The following TOGARAM1 variants were observed in gnomAD, a reference collection of about 807,000 sequenced individuals.
TOGARAM1 encodes TOG array regulator of axonemal microtubules 1, also known as TOG array regulator of axonemal microtubules protein 1.
A neutral mutation model predicts 166.6 loss-of-function variants in TOGARAM1; 100 were observed. That is an observed-to-expected ratio of 0.60 (90% CI 0.51 to 0.71). TOGARAM1 has a LOEUF of 0.71. TOGARAM1 is among the 30% of genes least tolerant of loss of function. TOGARAM1 has a pLI of 0.00. For missense variants in TOGARAM1, 2,029 were observed against 2,102.7 expected, an observed-to-expected ratio of 0.96 and a Z score of 0.69; for synonymous variants, 758 against 763.8, an observed-to-expected ratio of 0.99 and a Z score of 0.13.
intron 16 of TOGARAM1, among the ~76,000 whole-genome samples, chr14:45,063,833 C>T (rs575647905): frequency 6.6e-6 from 1 of 152,238 alleles, no homozygotes; most frequent in South Asian, 2.1e-4. Context: ...GCCCTATTTT[C>T]AATTCGGCCT....
chr14:45,028,363 T>TC (rs1297560283), intron 10 of TOGARAM1, 34 bp downstream of exon 10: 2 of 1,568,814 alleles, frequency 1.3e-6, no homozygotes, highest in African/African-American at 2.8e-5. Context: ...ATTTTTTTTT[T>TC]CTAGTAATTG....
chr14:45,071,548 C>A (rs1358899805), intron 18 of TOGARAM1, among the ~76,000 whole-genome samples, 164 bp from the exon 19 acceptor site: 1 of 151,988 alleles, frequency 6.6e-6, no homozygotes, highest in Admixed American at 6.6e-5. Context: ...AGCCACCATG[C>A]AAGGTTTTAT....
At chr14:44,968,662 C>T (rs1238045595) in intron 1 of TOGARAM1, among the ~76,000 whole-genome samples, 2 of 152,190 alleles carry the variant, frequency 1.3e-5, no homozygotes, top group Non-Finnish European at 2.9e-5. Flanking sequence ...TCATCCGGTA[C>T]TTTAGGGGTA....
At chr14:45,004,436 G>A (rs1305892683) in intron 4 of TOGARAM1, 70 bp downstream of exon 4, 3 of 1,258,072 alleles carry the variant, frequency 2.4e-6, no homozygotes, top group East Asian at 2.4e-5. Context: ...GCATAGGGCT[G>A]TTAGATCTTT....
chr14:45,010,644 C>T (rs531283717), intron 6 of TOGARAM1, among the ~76,000 whole-genome samples: 2 of 152,202 alleles, frequency 1.3e-5, no homozygotes, highest in African/African-American at 4.8e-5. Context: ...TTCAGCACAC[C>T]CTCATTTATG....
chr14:45,039,411 C>T (rs1881608693), intron 11 of TOGARAM1, among the ~76,000 whole-genome samples: 1 of 152,168 alleles, frequency 6.6e-6, no homozygotes, highest in South Asian at 2.1e-4. Flanking sequence ...TACGGCTTCA[C>T]CTGCCCCTTT....
intron 1 of TOGARAM1, among the ~76,000 whole-genome samples, chr14:44,976,318 T>G (rs1190300460): frequency 6.6e-6 from 1 of 152,240 alleles, no homozygotes; most frequent in Non-Finnish European, 1.5e-5. Context: ...TGCCCTTCCA[T>G]ATCCATCCTC....
intron 1 of TOGARAM1, among the ~76,000 whole-genome samples, chr14:44,971,807 A>C (rs756658203): frequency 1.3e-5 from 2 of 152,208 alleles, no homozygotes; most frequent in Non-Finnish European, 2.9e-5. Flanking sequence ...TATGTAACTT[A>C]GAAGTGTATT....
intron 16 of TOGARAM1, among the ~76,000 whole-genome samples, chr14:45,057,705 C>G (rs1432784162): frequency 6.6e-6 from 1 of 151,972 alleles, no homozygotes; most frequent in Non-Finnish European, 1.5e-5. Flanking sequence ...ACTCTGTGGT[C>G]GTTCAGGAGT....
chr14:44,993,494 A>G (rs1887251890), intron 1 of TOGARAM1, among the ~76,000 whole-genome samples: 1 of 152,170 alleles, frequency 6.6e-6, no homozygotes, highest in African/African-American at 2.4e-5. Context: ...AGAGTCATCA[A>G]TCAGGTGCTT....
At chr14:44,999,114 GCAGATATTCTTCAA>G (rs1451037562) in intron 2 of TOGARAM1, among the ~76,000 whole-genome samples, 1 of 152,048 alleles carries the variant, frequency 6.6e-6, no homozygotes, top group Admixed American at 6.5e-5. Context: ...AACTGCTTTT[GCAGATATTCTTCAA>G]CATACCTGTC....
intron 1 of TOGARAM1, among the ~76,000 whole-genome samples, chr14:44,965,352 T>C (rs1187489122): frequency 6.6e-6 from 1 of 152,222 alleles, no homozygotes; most frequent in African/African-American, 2.4e-5. Context: ...TTGTTTTACT[T>C]TTATCATCCA....
At chr14:45,048,829 T>C (rs1265480819) in intron 14 of TOGARAM1, among the ~76,000 whole-genome samples, 1 of 151,186 alleles carries the variant, frequency 6.6e-6, no homozygotes, top group East Asian at 1.9e-4. Context: ...ATACAAAAAT[T>C]AGCTGGGCGT....
rs375538081 is a variant in TOGARAM1, at chr14:45,045,638, CATATATAT to C, written c.4154+770_4154+777del. Among the ~76,000 whole-genome samples the C allele has an allele frequency of 1.3e-4, 7 of 52,980 alleles. No homozygotes were observed. In the South Asian group the frequency reaches 3.6e-3, roughly 27 times the overall value. 34.8% of individuals were successfully genotyped at this position (52,980 alleles called of 152,430 possible). ...GTGTGTATATATATGTATATATATA[CATATATAT>C]ACATATATACACACATATATATGTG... On this transcript the variant is annotated intron_variant, in intron 13 of 19. Transcript: ENST00000361462.
chr14:44,962,470 C>T lies in TOGARAM1; in HGVS notation c.49C>T (p.Leu17Phe). Residue 17 changes from leucine to phenylalanine, a missense_variant, in exon 1 of 20, where the codon CTC (leucine) becomes TTC (phenylalanine). Leu to Phe is a conservative substitution (Grantham distance 22, BLOSUM62 0). Transcript: ENST00000361462. ...GCTTCTGCTGCCGCCCTTTCCAGTC[C>T]TCTCTACCTATCGGCTCCAGAGCCG... ...ALLLLPPFPVLSTYRLQSRSR... is the reference protein window; with the variant it reads ...ALLLLPPFPVFSTYRLQSRSR... 1 of 1,604,962 alleles carries T rather than the reference C, an allele frequency of 6.2e-7. No homozygotes were observed. The highest frequency in any genetic ancestry group is 8.5e-7 in the Non-Finnish European group (1 of 1,176,076).
At chr14:45,004,437 T>A (rs1037617684) in intron 4 of TOGARAM1, 71 bp downstream of exon 4, 1 of 1,244,072 alleles carries the variant, frequency 8.0e-7, no homozygotes, top group Non-Finnish European at 1.1e-6. Flanking sequence ...CATAGGGCTG[T>A]TAGATCTTTA....
At chr14:45,060,311 G>A (rs1229483099) in intron 16 of TOGARAM1, among the ~76,000 whole-genome samples, 3 of 151,434 alleles carry the variant, frequency 2.0e-5, no homozygotes, top group Non-Finnish European at 4.4e-5. Flanking sequence ...CACCTTTTGG[G>A]TTCCAGTGAT....
intron 11 of TOGARAM1, among the ~76,000 whole-genome samples, chr14:45,036,359 T>G: frequency 6.6e-6 from 1 of 151,988 alleles, no homozygotes; most frequent in Non-Finnish European, 1.5e-5. Flanking sequence ...GTAGATGAAC[T>G]AAACACCCTA....
rs941090152 is a variant in TOGARAM1 at position 45,067,860 on chromosome 14, A to G, written c.4750-564A>G. On this transcript the variant is annotated intron_variant, in intron 17 of 19. Coordinates refer to ENST00000361462, the MANE Select transcript of TOGARAM1 (RefSeq NM_001308120.2). ...AGGATTGTTTAGCATTCACTTTATTATATCTTGAGTTTATGAAAGTTAAGG... is the reference window on the plus strand; with the variant it reads ...AGGATTGTTTAGCATTCACTTTATTGTATCTTGAGTTTATGAAAGTTAAGG... 6.6e-5 allele frequency among the ~76,000 whole-genome samples: 10 copies of G among 152,278 alleles called. No individual in the cohort carries two copies. In the South Asian group the frequency reaches 1.0e-3, roughly 16 times the overall value.
Sources: allele counts gnomAD v4.1 joint callset (sites outside exome capture counted in the v4.1 genomes callset), GRCh38; gene constraint gnomAD v4.1.1; transcripts MANE v1.5; gene names NCBI Gene and HGNC (gene_info 2026-07-23, HGNC 2026-07-21).